The following INSL6 variants were observed in gnomAD, a reference collection of about 807,000 sequenced individuals.
The protein encoded by INSL6 is insulin-like peptide INSL6.
A neutral mutation model predicts 9.4 loss-of-function variants in INSL6; 16 were observed. That is an observed-to-expected ratio of 1.70 (90% confidence interval 1.15 to 2.59). The LOEUF (loss-of-function observed/expected upper bound fraction) is 2.59, where lower values mean the gene tolerates loss of function less well. Ranked by LOEUF, INSL6 falls within the 30% of genes most tolerant of loss-of-function variation. The probability of loss-of-function intolerance (pLI) is 0.00; values close to 1 mark genes in which losing one functional copy is unlikely to be tolerated. For missense variants in INSL6, 391 were observed against 257.3 expected, an observed-to-expected ratio of 1.52 and a Z score of -3.56; for synonymous variants, 154 against 96.9, an observed-to-expected ratio of 1.59 and a Z score of -3.46.
exon 4 of INSL6, among the ~76,000 whole-genome samples, chr9:5,124,407 A>G (rs1823842629): frequency 6.6e-6 from 1 of 151,762 alleles, no homozygotes; most frequent in South Asian, 2.1e-4. Flanking sequence ...ATATGGGTCC[A>G]GTTTCATTCT....
At chr9:5,011,800 T>G in the INSL6 span, among the ~76,000 whole-genome samples, 15 of 152,232 alleles carry the variant, frequency 9.9e-5, no homozygotes, top group Admixed American at 9.8e-4. Context: ...GCAGACCAAC[T>G]TGATCCTGCG....
chr9:5,114,596 G>A, the INSL6 span: 119 of 491,392 alleles, frequency 2.4e-4, no homozygotes, highest in Non-Finnish European at 3.9e-4. Flanking sequence ...TCTTGGTGCA[G>A]TGGCTGTACA....
chr9:5,151,712 T>G (rs1043005998), intron 2 of INSL6, among the ~76,000 whole-genome samples: 2 of 151,794 alleles, frequency 1.3e-5, no homozygotes, highest in Admixed American at 1.3e-4. Flanking sequence ...TTCAACCCAA[T>G]AGAATGCAAA....
At chr9:5,110,554 C>A in the INSL6 span, 1 of 169,870 alleles carries the variant, frequency 5.9e-6, no homozygotes, top group South Asian at 1.6e-4. Flanking sequence ...CTATTCAAGA[C>A]TTTACCCTTC....
chr9:5,081,721 C>G, the INSL6 span: 2 of 1,582,462 alleles, frequency 1.3e-6, no homozygotes, highest in African/African-American at 1.4e-5. Context: ...CTTTATTTCT[C>G]CAGATTATGA....
chr9:5,066,584 T>C, the INSL6 span: 1 of 732,532 alleles, frequency 1.4e-6, no homozygotes, highest in East Asian at 2.7e-5. Flanking sequence ...ATTCTGACAG[T>C]TTTAGATTTG....
chr9:5,143,632 T>C (rs1205521069), intron 2 of INSL6, among the ~76,000 whole-genome samples: 1 of 151,552 alleles, frequency 6.6e-6, no homozygotes, highest in African/African-American at 2.4e-5. Flanking sequence ...TTTTTTCAAA[T>C]AAACAGCTCC....
At chr9:4,996,494 G>A in the INSL6 span, among the ~76,000 whole-genome samples, 1 of 150,930 alleles carries the variant, frequency 6.6e-6, no homozygotes, top group Non-Finnish European at 1.5e-5. Context: ...ATAAATAGAA[G>A]TATACTATTC....
the INSL6 span, among the ~76,000 whole-genome samples, chr9:5,012,473 ATTG>A: frequency 1.3e-5 from 2 of 152,158 alleles, no homozygotes; most frequent in Non-Finnish European, 2.9e-5. Context: ...ATTACTTAAA[ATTG>A]TTGTTATTTA....
At chr9:5,040,364 A>C in the INSL6 span, among the ~76,000 whole-genome samples, 1 of 152,206 alleles carries the variant, frequency 6.6e-6, no homozygotes, top group Non-Finnish European at 1.5e-5. Context: ...CCAAGAAGAA[A>C]CACAGAAGTC....
chr9:5,078,969 T>C, the INSL6 span, among the ~76,000 whole-genome samples: 12 of 152,350 alleles, frequency 7.9e-5, no homozygotes, highest in East Asian at 1.9e-3. Flanking sequence ...GAGGGGTTTT[T>C]TGGGTCTAGA....
At chr9:5,080,412 C>A in the INSL6 span, 2 of 1,570,730 alleles carry the variant, frequency 1.3e-6, no homozygotes, top group South Asian at 1.2e-5. Context: ...TAGAATTACT[C>A]TATCTCTGAA....
chr9:5,052,603 A>G, the INSL6 span, among the ~76,000 whole-genome samples: 1 of 152,098 alleles, frequency 6.6e-6, no homozygotes, highest in Non-Finnish European at 1.5e-5. Flanking sequence ...GAACATTTGC[A>G]TCCTTTCTGA....
the INSL6 span, among the ~76,000 whole-genome samples, chr9:5,051,390 C>T: frequency 1.3e-5 from 2 of 152,062 alleles, no homozygotes; most frequent in Non-Finnish European, 2.9e-5. Flanking sequence ...ATAAGTATTT[C>T]CCAAATGGTG....
At chr9:5,107,867 T>C in the INSL6 span, 1 of 152,182 alleles carries the variant, frequency 6.6e-6, no homozygotes, top group Non-Finnish European at 1.5e-5. Flanking sequence ...CCTTGCCTTA[T>C]TAGTTTCAAT....
the INSL6 span, among the ~76,000 whole-genome samples, chr9:5,035,512 G>C: frequency 6.6e-6 from 1 of 152,174 alleles, no homozygotes; most frequent in Non-Finnish European, 1.5e-5. Context: ...GAATCCAGCA[G>C]CACATCAAAA....
At chr9:5,074,372 T>TAAC in the INSL6 span, among the ~76,000 whole-genome samples, 3 of 152,196 alleles carry the variant, frequency 2.0e-5, no homozygotes, top group Non-Finnish European at 4.4e-5. Context: ...CAACCCAGTG[T>TAAC]CTAGCAACTC....
chr9:5,057,135 A>C, the INSL6 span, among the ~76,000 whole-genome samples: 1 of 152,000 alleles, frequency 6.6e-6, no homozygotes, highest in Non-Finnish European at 1.5e-5. Flanking sequence ...TTTTTCAGTA[A>C]TTCTTGATCA....
At chr9:5,181,332 A>T (rs1302956180) in intron 1 of INSL6, among the ~76,000 whole-genome samples, 1 of 152,200 alleles carries the variant, frequency 6.6e-6, no homozygotes, top group East Asian at 1.9e-4. Context: ...TAAAAGGCCA[A>T]ATAAATGACC....
Sources: gnomAD v4.1 joint callset for allele counts (sites outside exome capture counted in the v4.1 genomes callset) on GRCh38, gnomAD v4.1.1 for gene constraint, MANE v1.5 for transcripts, NCBI Gene and HGNC (gene_info 2026-07-23, HGNC 2026-07-21) for gene names.